Variants in GRK5 observed in about 807,000 individuals in gnomAD.
GRK5 encodes g protein-coupled receptor kinase GRK5.
In GRK5, 40 loss-of-function variants were observed where a neutral mutation model predicts 78.4. The observed-to-expected ratio is 0.51, with a 90% CI of 0.40 to 0.66. The LOEUF (loss-of-function observed/expected upper bound fraction) is 0.66, where lower values mean the gene tolerates loss of function less well. Among genes scored for constraint, GRK5 ranks in the 30% least tolerant of loss-of-function variants. The pLI is 0.00. For synonymous variants in GRK5, 289 were observed against 296.8 expected, an observed-to-expected ratio of 0.97 and a Z score of 0.27; for missense variants, 598 against 759.9, an observed-to-expected ratio of 0.79 and a Z score of 2.50.
At chr10:119,310,699 C>A (rs908319589) in intron 1 of GRK5, among the ~76,000 whole-genome samples, 1 of 152,120 alleles carries the variant, frequency 6.6e-6, no homozygotes, top group Non-Finnish European at 1.5e-5. Flanking sequence ...CCAGGCAGGG[C>A]GGGGTTGGGG....
intron 1 of GRK5, among the ~76,000 whole-genome samples, chr10:119,227,495 G>A (rs1314568631): frequency 6.6e-6 from 1 of 152,194 alleles, no homozygotes; most frequent in East Asian, 1.9e-4. Context: ...GCTTGAACCC[G>A]GGAGGCAGAG....
intron 1 of GRK5, among the ~76,000 whole-genome samples, chr10:119,223,241 C>A (rs912973208): frequency 6.6e-6 from 1 of 152,154 alleles, no homozygotes; most frequent in African/African-American, 2.4e-5. Flanking sequence ...TATAAGGACA[C>A]CAGTGCTATT....
At position 119,378,696 on chromosome 10, in the gene GRK5, T is replaced by G. The variant is rs7081842; in HGVS notation, c.149-2119T>G. On this transcript the variant is annotated intron_variant, in intron 2 of 15. Transcript: ENST00000392870. The surrounding 1 kb of genome is among the most constrained non-coding windows in gnomAD (Gnocchi z 4.5). ...TGCGCCTCCGTGGGCTCTCGCTGCG[T>G]GGGGGGAAGGCGGTCTCAGCAGCCC... is the stretch of plus-strand genomic sequence containing the variant. 7.7e-3 allele frequency among the ~76,000 whole-genome samples: 1,169 copies of G among 152,326 alleles called. 20 individuals are homozygous for G. The highest frequency in any genetic ancestry group is 0.026 in the African/African-American group (1,093 of 41,574).
At chr10:119,298,339 G>C (rs548362545) in intron 1 of GRK5, among the ~76,000 whole-genome samples, 2 of 152,286 alleles carry the variant, frequency 1.3e-5, no homozygotes, top group African/African-American at 4.8e-5. Flanking sequence ...ACAGGAAACA[G>C]AGTGGAGACC....
rs942017718 is a variant in GRK5, at chr10:119,393,916, TTGTG to T, written c.262-2776_262-2773del. ...TGTGTGTGTAGGGGTGCGGGTGTGT[TTGTG>T]TGGATGGGTATCTGTGGGTGTGTGG... On this transcript the variant is annotated intron_variant, in intron 3 of 15. Coordinates refer to ENST00000392870, the MANE Select transcript of GRK5 (RefSeq NM_005308.3). Among the ~76,000 whole-genome samples, 260 of 132,804 alleles carry T rather than the reference TTGTG, an allele frequency of 2.0e-3. 2 individuals are homozygous for T. The South Asian group carries it at 0.022, about 11-fold the overall frequency. The allele number at this position is 132,804 out of a possible 152,430, so 87.1% of individuals were successfully genotyped here.
At chr10:119,255,254 A>G (rs1026945119) in intron 1 of GRK5, among the ~76,000 whole-genome samples, 7 of 152,044 alleles carry the variant, frequency 4.6e-5, no homozygotes, top group Admixed American at 4.6e-4. Flanking sequence ...GACAGCAGCT[A>G]TGGCCAGAGG....
rs1017569125 is a variant in GRK5 at position 119,412,363 on chromosome 10, G to A, written c.340-10803G>A. 3.9e-5 allele frequency among the ~76,000 whole-genome samples: 6 copies of A among 152,328 alleles called. No individual in the cohort carries two copies. The highest frequency in any genetic ancestry group is 2.0e-4 in the Admixed American group (3 of 15,306). ...GCAGTCCATCGCCTGGGCTGACCAC[G>A]AGGACACCCCGGTGAAGAGCTGGGC... On this transcript the variant is annotated intron_variant, in intron 4 of 15. Coordinates refer to ENST00000392870, the MANE Select transcript of GRK5 (RefSeq NM_005308.3). This position sits in a 1 kb window ranked among gnomAD's most constrained non-coding sequence, Gnocchi z 4.3.
chr10:119,363,366 T>G (rs1450588246), intron 2 of GRK5, among the ~76,000 whole-genome samples: 1 of 152,118 alleles, frequency 6.6e-6, no homozygotes, highest in East Asian at 1.9e-4. Context: ...GATCTGTACC[T>G]TCTAGATAGG....
intron 4 of GRK5, among the ~76,000 whole-genome samples, chr10:119,422,418 T>C (rs571957251): frequency 1.7e-4 from 26 of 152,388 alleles, no homozygotes; most frequent in Non-Finnish European, 2.4e-4. Context: ...GAAGCTTTTA[T>C]TGATTTGCTC....
intron 2 of GRK5, among the ~76,000 whole-genome samples, chr10:119,327,557 C>T (rs890747801): frequency 2.6e-5 from 4 of 152,232 alleles, no homozygotes; most frequent in Non-Finnish European, 2.9e-5. Flanking sequence ...GGGACTTCTG[C>T]CCAGGGCCTC....
intron 1 of GRK5, among the ~76,000 whole-genome samples, chr10:119,241,600 G>C (rs1467712389): frequency 2.0e-5 from 3 of 152,180 alleles, no homozygotes; most frequent in African/African-American, 7.2e-5. Context: ...GCACATAGGG[G>C]ATGTTCATTC....
At chr10:119,377,219 C>T (rs57337173) in intron 2 of GRK5, among the ~76,000 whole-genome samples, 3,991 of 152,250 alleles carry the variant, frequency 0.026, 101 homozygotes, top group Admixed American at 0.059. Context: ...GAAACAGATC[C>T]GAAAGGGTCC....
At position 119,223,967 on chromosome 10, in the gene GRK5, T is replaced by G. The variant is rs1848696650; in HGVS notation, c.52+15998T>G. 2.6e-5 allele frequency among the ~76,000 whole-genome samples: 4 copies of G among 152,150 alleles called. No homozygotes were observed. The South Asian group carries it at 8.3e-4, about 32-fold the overall frequency. ...TTGCCTGAGGGGGCCCTTCTAATAT[T>G]AGAAGACAACTATGATACCCACTGT... On this transcript the variant is annotated intron_variant, in intron 1 of 15. Coordinates refer to ENST00000392870, the MANE Select transcript of GRK5 (RefSeq NM_005308.3).
intron 13 of GRK5, among the ~76,000 whole-genome samples, chr10:119,451,588 C>T (rs776712169): frequency 1.3e-5 from 2 of 152,212 alleles, no homozygotes; most frequent in Middle Eastern, 3.2e-3. Context: ...TCCACGGTGG[C>T]GTGCACCCCG....
chr10:119,357,864 C>T (rs56836384), intron 2 of GRK5, among the ~76,000 whole-genome samples: 4 of 151,988 alleles, frequency 2.6e-5, no homozygotes, highest in East Asian at 3.9e-4. Context: ...TGGTGGGGCA[C>T]GCTTCCTGAC....
intron 5 of GRK5, among the ~76,000 whole-genome samples, chr10:119,423,665 C>T (rs960005889): frequency 3.3e-5 from 5 of 152,168 alleles, no homozygotes; most frequent in African/African-American, 7.2e-5. Context: ...GCACGTCTGC[C>T]GTGCAGGAGG....
chr10:119,357,940 G>T (rs865915004), intron 2 of GRK5, among the ~76,000 whole-genome samples: 6 of 152,298 alleles, frequency 3.9e-5, no homozygotes, highest in Middle Eastern at 6.8e-3. Context: ...CCCAAGCCAG[G>T]GGTGGGCAGC....
At chr10:119,434,703 G>A (rs900759957) in intron 8 of GRK5, among the ~76,000 whole-genome samples, 9 of 152,336 alleles carry the variant, frequency 5.9e-5, no homozygotes, top group Admixed American at 5.2e-4. Flanking sequence ...AGGTTTTCCA[G>A]GCAAACAGTG....
In GRK5 at chr10:119,394,544, T is replaced by TGG. The variant is rs1208701121; in HGVS notation, c.262-2147_262-2146dup. ...GTGTGTGTGGGTGTGTATCTGTGTG[T>TGG]GGGGGCACGTGTATGTTTGGGTGTG... On this transcript the variant is annotated intron_variant, in intron 3 of 15. Coordinates refer to ENST00000392870, the MANE Select transcript of GRK5 (RefSeq NM_005308.3). Among the ~76,000 whole-genome samples the TGG allele has an allele frequency of 3.8e-4, 6 of 15,676 alleles. 2 individuals carry two copies. Among genetic ancestry groups the TGG allele is most frequent in the African/African-American group, 1.0e-3 (5 of 4,770 alleles). The allele number at this position is 15,676 out of a possible 152,430, so 10.3% of individuals were successfully genotyped here. A position where few individuals can be genotyped will look rare whatever the true frequency, so the allele number is the denominator to read the frequency against.
Sources: gnomAD v4.1 joint callset for allele counts (sites outside exome capture counted in the v4.1 genomes callset) on GRCh38, gnomAD v4.1.1 for gene constraint, Gnocchi (gnomAD v3.1) non-coding constraint, MANE v1.5 for transcripts, NCBI Gene and HGNC (gene_info 2026-07-23, HGNC 2026-07-21) for gene names.